Variants in GNG2 observed in about 807,000 individuals in gnomAD.
The protein encoded by GNG2 is G protein subunit gamma 2, also known as guanine nucleotide-binding protein G(I)/G(S)/G(O) subunit gamma-2.
A neutral mutation model predicts 5.5 loss-of-function variants in GNG2; 5 were observed. The ratio of observed to expected loss-of-function variants is 0.91; its 90% CI spans 0.48 to 1.92. The LOEUF (loss-of-function observed/expected upper bound fraction) is 1.92, where lower values mean the gene tolerates loss of function less well. GNG2 is among the 30% of genes most tolerant of loss of function. The probability of loss-of-function intolerance (pLI) is 0.01; values close to 1 mark genes in which losing one functional copy is unlikely to be tolerated. For missense variants in GNG2, 55 were observed against 88.4 expected, an observed-to-expected ratio of 0.62 and a Z score of 1.52; for synonymous variants, 28 against 32.0, an observed-to-expected ratio of 0.88 and a Z score of 0.42.
chr14:51,860,984 A>C (rs1456859810), intron 1 of GNG2, among the ~76,000 whole-genome samples, 194 bp downstream of exon 1: 2 of 152,150 alleles, frequency 1.3e-5, no homozygotes, highest in Non-Finnish European at 2.9e-5. Flanking sequence ...CCTCATCATC[A>C]GTGCTTAGAT....
intron 1 of GNG2, among the ~76,000 whole-genome samples, chr14:51,867,052 A>G (rs1882943924): frequency 6.6e-6 from 1 of 152,112 alleles, no homozygotes; most frequent in Admixed American, 6.5e-5. Flanking sequence ...CCCTGTAAAC[A>G]TGCTTAGTTT....
intron 2 of GNG2, among the ~76,000 whole-genome samples, chr14:51,892,228 G>C (rs965835498): frequency 2.0e-5 from 3 of 152,112 alleles, no homozygotes; most frequent in African/African-American, 7.2e-5. Context: ...GTTTGATAAA[G>C]TGGGCCATTA....
intron 2 of GNG2, among the ~76,000 whole-genome samples, chr14:51,850,434 T>G (rs992847904): frequency 6.6e-6 from 1 of 152,188 alleles, no homozygotes; most frequent in Non-Finnish European, 1.5e-5. Flanking sequence ...ATCTACCAAG[T>G]GTACCAGTGA....
intron 3 of GNG2, among the ~76,000 whole-genome samples, chr14:51,951,507 CTT>C (rs1888974272): frequency 6.6e-6 from 1 of 152,196 alleles, no homozygotes; most frequent in Admixed American, 6.5e-5. Context: ...ACCATCAAAA[CTT>C]TACTGCCCCA....
At chr14:51,962,009 A>G (rs1889642441) in intron 3 of GNG2, among the ~76,000 whole-genome samples, 1 of 152,172 alleles carries the variant, frequency 6.6e-6, no homozygotes, top group South Asian at 2.1e-4. Context: ...AGTATGGAGA[A>G]TACTACTCCT....
intron 2 of GNG2, among the ~76,000 whole-genome samples, chr14:51,948,579 T>C (rs12100449): frequency 0.018 from 2,788 of 152,324 alleles, 99 homozygotes; most frequent in African/African-American, 0.063. Flanking sequence ...CTATGAAGTC[T>C]TCCTAGGCTG....
chr14:51,898,446 C>T (rs1201849581), intron 2 of GNG2, among the ~76,000 whole-genome samples: 1 of 152,074 alleles, frequency 6.6e-6, no homozygotes, highest in Non-Finnish European at 1.5e-5. Context: ...AGAGCTCTTC[C>T]CTTGCTTCCT....
At chr14:51,910,961 G>A (rs8015777) in intron 2 of GNG2, among the ~76,000 whole-genome samples, 16,064 of 152,182 alleles carry the variant, frequency 0.11, 1,428 homozygotes, top group African/African-American at 0.24. Flanking sequence ...CTTTCCTCCC[G>A]TTTGTCTTTA....
intron 2 of GNG2, among the ~76,000 whole-genome samples, chr14:51,945,381 A>C (rs1472776572): frequency 1.3e-5 from 2 of 152,196 alleles, no homozygotes; most frequent in Non-Finnish European, 2.9e-5. Flanking sequence ...TGATAGGCTC[A>C]AGTGTGGATG....
At chr14:51,951,449 C>T (rs966979037) in intron 3 of GNG2, among the ~76,000 whole-genome samples, 3 of 152,128 alleles carry the variant, frequency 2.0e-5, no homozygotes, top group Non-Finnish European at 2.9e-5. Context: ...AATATGCTGT[C>T]GTTATTAATA....
intron 2 of GNG2, among the ~76,000 whole-genome samples, chr14:51,924,064 T>C (rs1594921419): frequency 1.3e-5 from 2 of 152,238 alleles, no homozygotes; most frequent in East Asian, 1.9e-4. Context: ...GCTTAAGCTA[T>C]TGGTCATTCA....
chr14:51,844,514 T>C (rs1295073343), intron 2 of GNG2, among the ~76,000 whole-genome samples: 1 of 149,628 alleles, frequency 6.7e-6, no homozygotes, highest in Admixed American at 6.7e-5. Flanking sequence ...TTGACAGCCC[T>C]GTGTGTGTGT....
intron 2 of GNG2, among the ~76,000 whole-genome samples, chr14:51,949,773 G>A (rs78876210): frequency 0.033 from 4,977 of 152,114 alleles, 193 homozygotes; most frequent in East Asian, 0.14. Context: ...ATCAGCAACG[G>A]GAATAAAATA....
intron 3 of GNG2, among the ~76,000 whole-genome samples, chr14:51,958,446 C>CG (rs1308893225): frequency 2.8e-5 from 4 of 145,258 alleles, no homozygotes; most frequent in East Asian, 2.2e-4. Context: ...CGTTCCCCCC[C>CG]CCCATTTATA....
At chr14:51,956,087 T>C (rs1889259974) in intron 3 of GNG2, among the ~76,000 whole-genome samples, 1 of 152,218 alleles carries the variant, frequency 6.6e-6, no homozygotes, top group Admixed American at 6.5e-5. Context: ...TGTTCAATTT[T>C]ATTAGGAAAA....
intron 1 of GNG2, chr14:51,827,595 A>G (rs6572794): frequency 4.6e-6 from 3 of 657,768 alleles, no homozygotes; most frequent in East Asian, 2.7e-5. Context: ...CAGCTTTGAG[A>G]CTTGAGGTCA....
intron 2 of GNG2, among the ~76,000 whole-genome samples, chr14:51,890,501 T>C (rs1011659385): frequency 1.3e-5 from 2 of 152,204 alleles, no homozygotes; most frequent in African/African-American, 4.8e-5. Flanking sequence ...GGCAAATTAT[T>C]TTCCCAAGGT....
Position 51,969,004 on chromosome 14 carries a change from G to A in GNG2, c.*2317G>A, listed in dbSNP as rs548903619. On this transcript the variant is annotated 3_prime_UTR_variant, in exon 4 of 4. Transcript: ENST00000556766. ...GTCTTACAGTATGGAATTATAATAC[G>A]AAAATCTTTATATGAGTTTTGGCTT... 4.6e-5 allele frequency: 7 copies of A among 152,214 alleles called. No homozygotes were observed. Among genetic ancestry groups the A allele is most frequent in the Non-Finnish European group, 8.8e-5 (6 of 68,004 alleles). 9.4% of individuals were successfully genotyped at this position (152,214 alleles called of 1,614,324 possible). A position where few individuals can be genotyped will look rare whatever the true frequency, so the allele number is the denominator to read the frequency against.
rs1555348001 is a variant in GNG2 at position 51,847,875 on chromosome 14, C to CT, written c.64+20073dup. ...GGATGTTACTCTATGAATACAGGTCCTTTTTCTTTTTTTTTTTTTTTTTTT... is the reference window on the plus strand; with the variant it reads ...GGATGTTACTCTATGAATACAGGTCCTTTTTTCTTTTTTTTTTTTTTTTTTT... On this transcript the variant is annotated intron_variant, in intron 2 of 3. Transcript: ENST00000553432. Among the ~76,000 whole-genome samples the CT allele has an allele frequency of 3.3e-4, 22 of 66,130 alleles. 2 individuals are homozygous for CT. The highest frequency in any genetic ancestry group is 1.2e-3 in the South Asian group (2 of 1,618). The allele number at this position is 66,130 out of a possible 152,430, so 43.4% of individuals were successfully genotyped here.
Sources: gnomAD v4.1 joint callset for allele counts (sites outside exome capture counted in the v4.1 genomes callset) on GRCh38, gnomAD v4.1.1 for gene constraint, MANE v1.5 for transcripts, NCBI Gene and HGNC (gene_info 2026-07-23, HGNC 2026-07-21) for gene names.